Variants in NSUN6 observed in about 807,000 individuals in gnomAD.
NSUN6 encodes NOP2/Sun RNA methyltransferase 6.
A neutral mutation model predicts 58.0 loss-of-function variants in NSUN6; 64 were observed. The observed-to-expected ratio is 1.10, with a 90% CI of 0.90 to 1.36. The LOEUF is 1.36. Among genes scored for constraint, NSUN6 ranks in the 40% most tolerant of loss-of-function variants. The pLI is 0.00. For synonymous variants in NSUN6, 231 were observed against 193.9 expected (o/e 1.19, Z -1.59); for missense variants, 701 against 550.1 (o/e 1.27, Z -2.74).
At chr10:18,567,724 C>G (rs1008618523) in intron 8 of NSUN6, among the ~76,000 whole-genome samples, 4 of 150,894 alleles carry the variant, frequency 2.7e-5, no homozygotes, top group African/African-American at 9.7e-5. Context: ...ATTCCATCCT[C>G]CATTCCATTC....
chr10:18,556,698 G>C, intron 8 of NSUN6, among the ~76,000 whole-genome samples: 1 of 151,616 alleles, frequency 6.6e-6, no homozygotes, highest in African/African-American at 2.4e-5. Context: ...GAATGGAATG[G>C]AAAGGGGAAG....
intron 2 of NSUN6, among the ~76,000 whole-genome samples, chr10:18,646,546 GA>G (rs1043863652): frequency 1.2e-4 from 4 of 34,318 alleles, no homozygotes; most frequent in African/African-American, 2.2e-4. Context: ...ATTTGTTGTG[GA>G]AAAAAAAAAT....
At chr10:18,640,316 G>A (rs2059353041) in intron 3 of NSUN6, among the ~76,000 whole-genome samples, 1 of 152,122 alleles carries the variant, frequency 6.6e-6, no homozygotes, top group African/African-American at 2.4e-5. Context: ...TGGGACAGGA[G>A]ATGTAACAGA....
intron 2 of NSUN6, among the ~76,000 whole-genome samples, chr10:18,646,387 T>C (rs2059547394): frequency 6.6e-6 from 1 of 152,078 alleles, no homozygotes; most frequent in Non-Finnish European, 1.5e-5. Context: ...GCTTTACCAT[T>C]GGTTTCCTAT....
intron 2 of NSUN6, among the ~76,000 whole-genome samples, chr10:18,647,268 T>C (rs538806750): frequency 1.1e-3 from 164 of 152,334 alleles, no homozygotes; most frequent in South Asian, 2.3e-3. Flanking sequence ...GATTGACAAA[T>C]GGAAACCCTT....
At chr10:18,604,165 G>C in intron 6 of NSUN6, among the ~76,000 whole-genome samples, 1 of 152,178 alleles carries the variant, frequency 6.6e-6, no homozygotes, top group East Asian at 1.9e-4. Context: ...CTGGGCGACA[G>C]AGTGAGCCTC....
intron 8 of NSUN6, among the ~76,000 whole-genome samples, chr10:18,583,741 C>T (rs1466618569): frequency 2.0e-5 from 3 of 152,024 alleles, no homozygotes; most frequent in Non-Finnish European, 4.4e-5. Context: ...AAAAATTCCA[C>T]TAGAGGGGCT....
At chr10:18,656,695 A>T (rs868278459), upstream of NSUN6, among the ~76,000 whole-genome samples, 1 of 152,138 alleles carries the variant, frequency 6.6e-6, no homozygotes, top group African/African-American at 2.4e-5. Flanking sequence ...GAGTTGTTTG[A>T]CATTTTTCTT....
chr10:18,596,401 G>A (rs571183374), intron 6 of NSUN6, 74 bp from the exon 7 acceptor site: 25 of 1,013,846 alleles, frequency 2.5e-5, no homozygotes, highest in Admixed American at 1.7e-4. Context: ...AGAATATAAA[G>A]AACCCTTTGG....
At chr10:18,554,436 G>T (rs1211627949) in intron 8 of NSUN6, among the ~76,000 whole-genome samples, 1 of 150,948 alleles carries the variant, frequency 6.6e-6, no homozygotes, top group Non-Finnish European at 1.5e-5. Context: ...AACGGACAAC[G>T]GAATGGAATG....
intron 7 of NSUN6, among the ~76,000 whole-genome samples, chr10:18,595,318 C>G (rs1294461676): frequency 6.6e-6 from 1 of 152,188 alleles, no homozygotes; most frequent in Non-Finnish European, 1.5e-5. Context: ...TCCAGACTCC[C>G]TTTGGAAAGA....
rs1564806114 is a variant in NSUN6, at chr10:18,616,302, G to GT, written c.312-10dup. Reference sequence around the variant, plus strand: ...GTTTTTTAATATTCTTTCTAGAAATGTAAGACACAAGAAGTTTAATAGTAA... The same window carrying GT: ...GTTTTTTAATATTCTTTCTAGAAATGTTAAGACACAAGAAGTTTAATAGTAA... On this transcript the variant is annotated splice_polypyrimidine_tract_variant and intron_variant, in intron 3 of 10. Coordinates refer to ENST00000377304, the MANE Select transcript of NSUN6 (RefSeq NM_182543.5). 17 of 1,546,464 alleles carry GT rather than the reference G, an allele frequency of 1.1e-5. No individual in the cohort carries two copies. The highest frequency in any genetic ancestry group is 1.4e-5 in the Non-Finnish European group (16 of 1,119,146).
At chr10:18,558,161 A>C (rs1037426084) in intron 8 of NSUN6, among the ~76,000 whole-genome samples, 1 of 151,164 alleles carries the variant, frequency 6.6e-6, no homozygotes, top group Non-Finnish European at 1.5e-5. Flanking sequence ...TGAAGAATGG[A>C]ATGGAGAATG....
At chr10:18,568,658 T>C (rs1337029282) in intron 8 of NSUN6, among the ~76,000 whole-genome samples, 1 of 151,146 alleles carries the variant, frequency 6.6e-6, no homozygotes, top group East Asian at 2.0e-4. Flanking sequence ...CATTCTATTC[T>C]CCATTCACTT....
At chr10:18,614,339 G>A in intron 5 of NSUN6, 121 bp downstream of exon 5, 1 of 418,594 alleles carries the variant, frequency 2.4e-6, no homozygotes, top group Non-Finnish European at 3.7e-6. Context: ...TTTTTTTCCA[G>A]TTGGATTTAT....
chr10:18,558,007 TGAATGGAGAATGAAATGAAATA>T (rs1564713554), intron 8 of NSUN6, among the ~76,000 whole-genome samples: 1 of 142,076 alleles, frequency 7.0e-6, no homozygotes, highest in East Asian at 2.2e-4. Context: ...GGGATGGACA[TGAATGGAGAATGAAATGAAATA>T]GAATGGAGAA....
chr10:18,648,338 T>A, intron 2 of NSUN6, 152 bp downstream of exon 2: 1 of 527,994 alleles, frequency 1.9e-6, no homozygotes, highest in South Asian at 3.2e-5. Context: ...CATTACCACC[T>A]AGGATAACTT....
Position 18,614,460 on chromosome 10 carries a change from T to G in NSUN6, c.575A>C (p.Lys192Thr), listed in dbSNP as rs754722511. Residue 192 changes from lysine to threonine, a missense_variant and splice_region_variant, in exon 5 of 11, where the codon AAA becomes ACA. Coordinates refer to ENST00000377304, the MANE Select transcript of NSUN6 (RefSeq NM_182543.5). Reference sequence around the variant, plus strand: ...TTCCCCAAAGCACCTGATGACATACTTCAGTTCAGGTAATCCACTGAAGAT... The same window carrying G: ...TTCCCCAAAGCACCTGATGACATACGTCAGTTCAGGTAATCCACTGAAGAT... Reference protein sequence around the residue: ...KEIFSGLPELKGMGIRMTEPV... With the variant: ...KEIFSGLPELTGMGIRMTEPV... 1 of 1,516,058 alleles carries G rather than the reference T, an allele frequency of 6.6e-7. No homozygotes were observed. Among genetic ancestry groups the G allele is most frequent in the South Asian group, 1.3e-5 (1 of 75,930 alleles). 93.9% of individuals were successfully genotyped at this position (1,516,058 alleles called of 1,614,324 possible).
chr10:18,651,034 G>A (rs2059688967), intron 1 of NSUN6, 95 bp downstream of exon 1: 4 of 1,473,410 alleles, frequency 2.7e-6, no homozygotes, highest in African/African-American at 1.4e-5. Flanking sequence ...AACGACGGCT[G>A]TCAAGATTTC....
Sources: gnomAD v4.1 joint callset for allele counts (sites outside exome capture counted in the v4.1 genomes callset) on GRCh38, gnomAD v4.1.1 for gene constraint, MANE v1.5 for transcripts, NCBI Gene and HGNC (gene_info 2026-07-23, HGNC 2026-07-21) for gene names.